The following VPS13D variants were observed in gnomAD, a reference collection of about 807,000 sequenced individuals.
VPS13D encodes vacuolar protein sorting 13 homolog D.
A neutral mutation model predicts 461.9 loss-of-function variants in VPS13D; 187 were observed. The ratio of observed to expected loss-of-function variants is 0.40; its 90% CI spans 0.36 to 0.46. VPS13D has a LOEUF of 0.46. VPS13D is among the 20% of genes least tolerant of loss of function. The pLI is 0.60. For synonymous variants in VPS13D, 1,951 were observed against 1,986.3 expected, an observed-to-expected ratio of 0.98 and a Z score of 0.47; for missense variants, 4,711 against 5,364.9, an observed-to-expected ratio of 0.88 and a Z score of 3.81.
intron 60 of VPS13D, among the ~76,000 whole-genome samples, chr1:12,390,091 C>A (rs1222167827): frequency 6.6e-6 from 1 of 152,188 alleles, no homozygotes; most frequent in Non-Finnish European, 1.5e-5. Context: ...CTCCTGGTGG[C>A]AGTGTTCCTC....
intron 30 of VPS13D, among the ~76,000 whole-genome samples, chr1:12,316,473 G>C (rs1005122337): frequency 6.6e-6 from 1 of 152,172 alleles, no homozygotes; most frequent in Non-Finnish European, 1.5e-5. Flanking sequence ...TGACTTTCCA[G>C]TTAAATACAG....
intron 26 of VPS13D, among the ~76,000 whole-genome samples, chr1:12,306,226 C>T (rs757990233): frequency 9.2e-5 from 14 of 152,094 alleles, no homozygotes; most frequent in South Asian, 2.1e-4. Flanking sequence ...CCTCGTGATC[C>T]GCCCCGATTT....
At position 12,369,584 on chromosome 1, in the gene VPS13D, C is replaced by CT; in HGVS notation, c.10691dup (p.Thr3565AspfsTer3). ...ACCCACCTTGCCACCTTTTATCACT[C>CT]TGACTGTTAAAGGGGCAGGGTCCTC... is the stretch of plus-strand genomic sequence containing the variant. On this transcript the variant is annotated frameshift_variant, in exon 54 of 70. Coordinates refer to ENST00000620676, the MANE Select transcript of VPS13D (RefSeq NM_015378.4). LOFTEE classifies it high-confidence loss of function. 1.2e-6 allele frequency: 2 copies of CT among 1,614,174 alleles called. No homozygotes were observed. Among genetic ancestry groups the CT allele is most frequent in the Non-Finnish European group, 1.7e-6 (2 of 1,180,022 alleles).
intron 35 of VPS13D, among the ~76,000 whole-genome samples, chr1:12,326,246 A>G (rs1163425732): frequency 1.8e-5 from 1 of 56,200 alleles, no homozygotes; most frequent in Non-Finnish European, 3.9e-5. Flanking sequence ...TACTTTTCCT[A>G]TGCTTTTTAC....
At chr1:12,242,825 G>A (rs1299168896) in intron 3 of VPS13D, among the ~76,000 whole-genome samples, 2 of 152,212 alleles carry the variant, frequency 1.3e-5, no homozygotes, top group Admixed American at 1.3e-4. Flanking sequence ...ATCTCTGAGG[G>A]AATGTCATTG....
chr1:12,421,991 C>G (rs559870834), intron 65 of VPS13D, among the ~76,000 whole-genome samples: 1 of 152,074 alleles, frequency 6.6e-6, no homozygotes, highest in South Asian at 2.1e-4. Context: ...CCACCATGCT[C>G]GACTAATTTG....
At chr1:12,475,734 G>C (rs1398179826) in intron 67 of VPS13D, among the ~76,000 whole-genome samples, 4 of 152,170 alleles carry the variant, frequency 2.6e-5, no homozygotes, top group Admixed American at 2.6e-4. Flanking sequence ...TACATAGCAG[G>C]CTTGATCACA....
chr1:12,386,081 A>G, intron 59 of VPS13D, 104 bp from the exon 60 acceptor site: 2 of 1,345,560 alleles, frequency 1.5e-6, no homozygotes, highest in African/African-American at 1.5e-5. Flanking sequence ...CTGCTGAGAG[A>G]TCGGGAGTAG....
At chr1:12,392,990 G>A (rs925735228) in intron 60 of VPS13D, among the ~76,000 whole-genome samples, 6 of 152,134 alleles carry the variant, frequency 3.9e-5, no homozygotes, top group African/African-American at 9.7e-5. Context: ...AATCCAAATA[G>A]GCCCACTAGG....
At chr1:12,298,308 G>A (rs538046759) in intron 24 of VPS13D, among the ~76,000 whole-genome samples, 9 of 152,204 alleles carry the variant, frequency 5.9e-5, no homozygotes, top group African/African-American at 1.2e-4. Flanking sequence ...TATTATGGCC[G>A]AGGCATACTC....
intron 27 of VPS13D, among the ~76,000 whole-genome samples, chr1:12,309,198 TTGATC>T (rs1411226641): frequency 1.3e-5 from 2 of 151,826 alleles, no homozygotes; most frequent in Non-Finnish European, 2.9e-5. Context: ...AATGTTTGAT[TTGATC>T]TTTTTTTTCT....
chr1:12,324,689 A>G (rs1166738551), intron 35 of VPS13D, among the ~76,000 whole-genome samples: 1 of 152,238 alleles, frequency 6.6e-6, no homozygotes, highest in African/African-American at 2.4e-5. Context: ...GCAAAGCACT[A>G]AGAAAGTGCT....
intron 30 of VPS13D, among the ~76,000 whole-genome samples, chr1:12,314,898 A>ACAAG (rs1429523478): frequency 6.6e-6 from 1 of 152,258 alleles, no homozygotes; most frequent in Non-Finnish European, 1.5e-5. Context: ...GTGTCCTTAG[A>ACAAG]CAAGTTGTTT....
At chr1:12,258,240 C>A in intron 10 of VPS13D, 137 bp downstream of exon 10, 1 of 1,115,878 alleles carries the variant, frequency 9.0e-7, no homozygotes, top group South Asian at 1.6e-5. Flanking sequence ...TAGAGTTGGT[C>A]TTAGTAGAGT....
At chr1:12,449,796 C>T (rs1645238598) in intron 65 of VPS13D, among the ~76,000 whole-genome samples, 1 of 152,152 alleles carries the variant, frequency 6.6e-6, no homozygotes, top group Admixed American at 6.5e-5. Flanking sequence ...CTACACCAAA[C>T]ATTTTGCATT....
At chr1:12,335,978 G>A in intron 39 of VPS13D, 151 bp downstream of exon 39, 1 of 1,174,136 alleles carries the variant, frequency 8.5e-7, no homozygotes, top group South Asian at 1.6e-5. Context: ...AGTCTTTGCA[G>A]GAGACAGTTT....
chr1:12,337,994 A>G, intron 39 of VPS13D: 1 of 409,416 alleles, frequency 2.4e-6, no homozygotes, highest in South Asian at 3.8e-5. Context: ...TCAGGAAAAA[A>G]AAAAAAAAAG....
At chr1:12,503,846 G>A (rs1055286971) in intron 68 of VPS13D, among the ~76,000 whole-genome samples, 1 of 152,162 alleles carries the variant, frequency 6.6e-6, no homozygotes, top group Non-Finnish European at 1.5e-5. Context: ...GGAGAGCCTG[G>A]GGTTGAGACT....
chr1:12,499,878 A>T (rs1646012789), intron 68 of VPS13D: 24 of 985,300 alleles, frequency 2.4e-5, no homozygotes, highest in Non-Finnish European at 2.3e-5. Context: ...TTTTCAGGAA[A>T]AGCCCACGAG....
Sources: gnomAD v4.1 joint callset for allele counts (sites outside exome capture counted in the v4.1 genomes callset) on GRCh38, gnomAD v4.1.1 for gene constraint, MANE v1.5 for transcripts, NCBI Gene and HGNC (gene_info 2026-07-23, HGNC 2026-07-21) for gene names.